SRGAP1: variants seen among roughly 807,000 people sequenced by gnomAD.
SRGAP1 encodes the protein SLIT-ROBO Rho GTPase-activating protein 1.
SRGAP1 carries 43 observed loss-of-function variants against 121.9 expected under a neutral mutation model. The ratio of observed to expected loss-of-function variants is 0.35; its 90% CI spans 0.28 to 0.46. The LOEUF (loss-of-function observed/expected upper bound fraction) is 0.46, where lower values mean the gene tolerates loss of function less well. Among genes scored for constraint, SRGAP1 ranks in the 20% least tolerant of loss-of-function variants. The pLI is 1.00. For synonymous variants in SRGAP1, 447 were observed against 485.4 expected (o/e 0.92, Z 1.04); for missense variants, 1,102 against 1,350.9 (o/e 0.82, Z 2.89).
At chr12:63,969,488 T>G (rs148486707) in intron 1 of SRGAP1, among the ~76,000 whole-genome samples, 1 of 152,270 alleles carries the variant, frequency 6.6e-6, no homozygotes, top group African/African-American at 2.4e-5. Flanking sequence ...CAGCAAAATG[T>G]ACTGTTTAAA....
At chr12:64,026,580 T>G (rs2136480344) in intron 4 of SRGAP1, among the ~76,000 whole-genome samples, 1 of 152,216 alleles carries the variant, frequency 6.6e-6, no homozygotes, top group South Asian at 2.1e-4. Flanking sequence ...AATGTTCAAA[T>G]TAAGAACCAG....
At chr12:64,063,494 T>C (rs1335113278) in intron 7 of SRGAP1, among the ~76,000 whole-genome samples, 1 of 152,122 alleles carries the variant, frequency 6.6e-6, no homozygotes, top group Non-Finnish European at 1.5e-5. Flanking sequence ...TTAAAGATTC[T>C]CATAAAGAAA....
chr12:63,984,362 A>G (rs575381284), intron 2 of SRGAP1, among the ~76,000 whole-genome samples: 1 of 152,248 alleles, frequency 6.6e-6, no homozygotes, highest in South Asian at 2.1e-4. Context: ...ATACATATAT[A>G]TTTATGGATA....
intron 15 of SRGAP1, among the ~76,000 whole-genome samples, chr12:64,098,160 C>T (rs1010443861): frequency 2.6e-5 from 4 of 151,936 alleles, no homozygotes; most frequent in East Asian, 1.9e-4. Context: ...AGTCCCTCCA[C>T]CCCCCATCTG....
At chr12:63,871,930 T>A in intron 1 of SRGAP1, 1 of 1,321,150 alleles carries the variant, frequency 7.6e-7, no homozygotes, top group South Asian at 1.2e-5. Flanking sequence ...CCACTCTGCT[T>A]CTGATCATAG....
At chr12:63,915,090 A>G (rs1290207653) in intron 1 of SRGAP1, among the ~76,000 whole-genome samples, 1 of 152,256 alleles carries the variant, frequency 6.6e-6, no homozygotes, top group African/African-American at 2.4e-5. Context: ...TGAAATGTGA[A>G]TAATGAAAGT....
At chr12:64,014,156 A>T (rs2034336150) in intron 3 of SRGAP1, among the ~76,000 whole-genome samples, 1 of 152,250 alleles carries the variant, frequency 6.6e-6, no homozygotes, top group South Asian at 2.1e-4. Flanking sequence ...TTCATTTTAC[A>T]GGTCAGGAAA....
At position 64,157,104 on chromosome 12, in the gene SRGAP1, T is replaced by C. The variant is rs1469212789; in HGVS notation, c.*14432T>C. ...ACACACGCCTTCCCATAGAGTGAGGTGGCTTTCCCACCCCTCAACACTCCT... is the reference window on the plus strand; with the variant it reads ...ACACACGCCTTCCCATAGAGTGAGGCGGCTTTCCCACCCCTCAACACTCCT... On this transcript the variant is annotated 3_prime_UTR_variant, in exon 22 of 22. Coordinates refer to ENST00000355086, the MANE Select transcript of SRGAP1 (RefSeq NM_020762.4). The C allele has an allele frequency of 6.6e-6, 1 of 152,058 alleles. No homozygotes were observed. The allele number at this position is 152,058 out of a possible 1,614,324, so 9.4% of individuals were successfully genotyped here.
intron 1 of SRGAP1, among the ~76,000 whole-genome samples, chr12:63,845,735 C>A (rs1898882245): frequency 6.6e-6 from 1 of 152,098 alleles, no homozygotes; most frequent in Admixed American, 6.5e-5. Context: ...ATATGTGTTA[C>A]TTGAATTTTT....
At chr12:63,912,060 C>T (rs2030525732) in intron 1 of SRGAP1, among the ~76,000 whole-genome samples, 1 of 152,096 alleles carries the variant, frequency 6.6e-6, no homozygotes, top group Non-Finnish European at 1.5e-5. Context: ...AGATGAATGG[C>T]ACTGGGGAAG....
In SRGAP1 at chr12:64,151,178, A is replaced by C. The variant is rs1008949752; in HGVS notation, c.*8506A>C. 6.6e-6 allele frequency: 1 copy of C among 152,170 alleles called. No homozygotes were observed. Among genetic ancestry groups the C allele is most frequent in the Non-Finnish European group, 1.5e-5 (1 of 68,036 alleles). The allele number at this position is 152,170 out of a possible 1,614,324, so 9.4% of individuals were successfully genotyped here. A position where few individuals can be genotyped will look rare whatever the true frequency, so the allele number is the denominator to read the frequency against. On this transcript the variant is annotated 3_prime_UTR_variant, in exon 22 of 22. Coordinates refer to ENST00000355086, the MANE Select transcript of SRGAP1 (RefSeq NM_020762.4). ...TGCCTCCATTTCCCAAACAGAAATAATAATATGAACATCTTAGTATATTGT... is the reference window on the plus strand; with the variant it reads ...TGCCTCCATTTCCCAAACAGAAATACTAATATGAACATCTTAGTATATTGT...
Position 64,159,068 on chromosome 12 carries a change from C to T in SRGAP1, c.*16396C>T, listed in dbSNP as rs1376800604. The T allele has an allele frequency of 6.6e-6, 1 of 152,450 alleles. No individual in the cohort carries two copies. The allele number at this position is 152,450 out of a possible 1,614,324, so 9.4% of individuals were successfully genotyped here. A position where few individuals can be genotyped will look rare whatever the true frequency, so the allele number is the denominator to read the frequency against. Reference sequence around the variant, plus strand: ...GGCACACTGGCTCGCACCTGTAATCCCAGCACTTTGGGAGGCTAAGTGGGA... The same window carrying T: ...GGCACACTGGCTCGCACCTGTAATCTCAGCACTTTGGGAGGCTAAGTGGGA... On this transcript the variant is annotated 3_prime_UTR_variant, in exon 22 of 22. Transcript: ENST00000355086.
At chr12:64,022,282 G>A (rs2034566418) in intron 4 of SRGAP1, among the ~76,000 whole-genome samples, 1 of 152,114 alleles carries the variant, frequency 6.6e-6, no homozygotes, top group South Asian at 2.1e-4. Flanking sequence ...AGGGTTAATG[G>A]TATAGTTCTT....
intron 1 of SRGAP1, among the ~76,000 whole-genome samples, chr12:63,961,859 G>A (rs2032652420): frequency 6.6e-6 from 1 of 152,212 alleles, no homozygotes; most frequent in South Asian, 2.1e-4. Context: ...GTAATGGGAT[G>A]GAGTGACGGA....
At chr12:63,868,375 G>A (rs1248306464) in intron 1 of SRGAP1, among the ~76,000 whole-genome samples, 5 of 151,916 alleles carry the variant, frequency 3.3e-5, no homozygotes, top group Admixed American at 6.6e-5. Flanking sequence ...GAGCCACCGC[G>A]CCTGGCTGTC....
intron 14 of SRGAP1, 80 bp from the exon 15 acceptor site, chr12:64,097,161 C>G (rs960689613): frequency 2.5e-5 from 34 of 1,385,714 alleles, no homozygotes; most frequent in African/African-American, 2.9e-5. Flanking sequence ...TATATAGCAA[C>G]GTGTATGTTC....
At chr12:64,007,016 G>T (rs550509606) in intron 3 of SRGAP1, among the ~76,000 whole-genome samples, 1 of 152,126 alleles carries the variant, frequency 6.6e-6, no homozygotes, top group Non-Finnish European at 1.5e-5. Context: ...ACATGGATTT[G>T]GACTGACTCC....
chr12:63,921,702 C>T (rs1294561375), intron 1 of SRGAP1, among the ~76,000 whole-genome samples: 2 of 152,174 alleles, frequency 1.3e-5, no homozygotes, highest in Non-Finnish European at 2.9e-5. Flanking sequence ...ATTGCTTAAG[C>T]CCAGGAGTCT....
chr12:64,019,648 C>T (rs576132866), intron 4 of SRGAP1, among the ~76,000 whole-genome samples: 1 of 152,286 alleles, frequency 6.6e-6, no homozygotes, highest in African/African-American at 2.4e-5. Flanking sequence ...GATACACAAA[C>T]TCTGTCTTGT....
Sources: allele counts gnomAD v4.1 joint callset (sites outside exome capture counted in the v4.1 genomes callset), GRCh38; gene constraint gnomAD v4.1.1; transcripts MANE v1.5; gene names NCBI Gene and HGNC (gene_info 2026-07-23, HGNC 2026-07-21).